The following ZFYVE27 variants were observed in gnomAD, a reference collection of about 807,000 sequenced individuals.
The protein encoded by ZFYVE27 is protrudin.
A neutral mutation model predicts 52.8 loss-of-function variants in ZFYVE27; 36 were observed. The ratio of observed to expected loss-of-function variants is 0.68; its 90% CI spans 0.52 to 0.90. The LOEUF (loss-of-function observed/expected upper bound fraction) is 0.90, where lower values mean the gene tolerates loss of function less well. Ranked by LOEUF, ZFYVE27 falls within the 40% of genes least tolerant of loss-of-function variation. ZFYVE27 has a pLI of 0.00. For missense variants in ZFYVE27, 450 were observed against 527.2 expected, an observed-to-expected ratio of 0.85 and a Z score of 1.43; for synonymous variants, 223 against 215.6, an observed-to-expected ratio of 1.03 and a Z score of -0.30.
In ZFYVE27 at chr10:97,760,749, G is replaced by C. The variant is rs562845793; in HGVS notation, c.*1449G>C. 1 of 152,266 alleles carries C rather than the reference G, an allele frequency of 6.6e-6. No homozygotes were observed. The highest frequency in any genetic ancestry group is 2.4e-5 in the African/African-American group (1 of 41,466). 9.4% of individuals were successfully genotyped at this position (152,266 alleles called of 1,614,324 possible). On this transcript the variant is annotated 3_prime_UTR_variant, in exon 13 of 13. Transcript: ENST00000684270. ...GGCCAGTGGAGGTGCCACAGCCCTG[G>C]GGAGCCAGACAGGCTTTGGTATCGT... is the stretch of plus-strand genomic sequence containing the variant.
rs779258336 is a variant in ZFYVE27 at position 97,743,105 on chromosome 10, C to G, written c.209C>G (p.Pro70Arg). Reference sequence around the variant, plus strand: ...TCTCTGTATTGTAGGTGGCAGATGCCTTTGTGTTCCTTGCTGACCTGCCTG... The same window carrying G: ...TCTCTGTATTGTAGGTGGCAGATGCGTTTGTGTTCCTTGCTGACCTGCCTG... ...GVRYLLRWQMPLCSLLTCLGL... is the reference protein window; with the variant it reads ...GVRYLLRWQMRLCSLLTCLGL... Residue 70 changes from proline (P) to arginine (R), a missense_variant, in exon 3 of 13, where the codon CCT becomes CGT. Pro to Arg is a moderately radical substitution (Grantham distance 103, BLOSUM62 -2). Coordinates refer to ENST00000684270, the MANE Select transcript of ZFYVE27 (RefSeq NM_001385875.1). 11 of 1,614,190 alleles carry G rather than the reference C, an allele frequency of 6.8e-6. No individual in the cohort carries two copies. The highest frequency in any genetic ancestry group is 1.7e-5 in the Admixed American group (1 of 60,018).
chr10:97,758,927 G>A (rs975567812), intron 12 of ZFYVE27, among the ~76,000 whole-genome samples: 7 of 152,148 alleles, frequency 4.6e-5, no homozygotes, highest in African/African-American at 7.2e-5. Context: ...GATTACAGGC[G>A]TGCATCACCA....
rs780203604 is a variant in ZFYVE27 at position 97,743,114 on chromosome 10, C to T, written c.218C>T (p.Ser73Phe). The T allele has an allele frequency of 6.2e-7, 1 of 1,614,188 alleles. No homozygotes were observed. Among genetic ancestry groups the T allele is most frequent in the Non-Finnish European group, 8.5e-7 (1 of 1,180,038 alleles). ...YLLRWQMPLC[S>F]LLTCLGLNVL... ...TGTAGGTGGCAGATGCCTTTGTGTT[C>T]CTTGCTGACCTGCCTGGGCCTCAAC... is the stretch of plus-strand genomic sequence containing the variant. Residue 73 changes from serine (S) to phenylalanine (F), a missense_variant, in exon 3 of 13, where the codon TCC becomes TTC. By Grantham distance (155) the Ser-to-Phe change is radical. Transcript: ENST00000684270.
chr10:97,743,251 G>A, intron 3 of ZFYVE27, 87 bp downstream of exon 3: 2 of 1,459,000 alleles, frequency 1.4e-6, no homozygotes, highest in Non-Finnish European at 1.9e-6. Flanking sequence ...ATGTGTGGGA[G>A]CTGCTCTTGT....
intron 4 of ZFYVE27, 47 bp from the exon 5 acceptor site, chr10:97,748,222 C>G: frequency 6.3e-7 from 1 of 1,592,200 alleles, no homozygotes. Flanking sequence ...GGCTCCACTT[C>G]CCAGGGCTTC....
rs759651963 is a variant in ZFYVE27 at position 97,738,649 on chromosome 10, G to C, written c.172G>C (p.Gly58Arg). ...EIYLEPLKDA[G>R]DGVRYLLRWQ... ...CTACCTGGAACCCTTGAAGGATGCA[G>C]GTGATGGTGTTCGATACTTGCTCAG... The change falls in exon 2 of 13, where the codon GGT becomes CGT. Residue 58 changes from glycine to arginine, a missense_variant. Transcript: ENST00000684270. The C allele has an allele frequency of 6.2e-6, 10 of 1,614,104 alleles. No homozygotes were observed. Among genetic ancestry groups the C allele is most frequent in the Middle Eastern group, 1.6e-4 (1 of 6,084 alleles).
chr10:97,753,223 G>A (rs773221457), intron 10 of ZFYVE27, 41 bp downstream of exon 10: 47 of 1,593,694 alleles, frequency 2.9e-5, no homozygotes, highest in Non-Finnish European at 4.0e-5. Context: ...GGGGAGTGGG[G>A]GTGGACTTCT....
intron 2 of ZFYVE27, among the ~76,000 whole-genome samples, chr10:97,742,403 TTGG>T (rs1269858777): frequency 6.6e-6 from 1 of 151,966 alleles, no homozygotes; most frequent in African/African-American, 2.4e-5. Flanking sequence ...GCATTGCCAT[TTGG>T]TGGTGGTGGT....
At chr10:97,750,155 G>T (rs1180090420) in intron 6 of ZFYVE27, 176 bp from the exon 7 acceptor site, 7 of 684,828 alleles carry the variant, frequency 1.0e-5, no homozygotes, top group East Asian at 2.7e-5. Context: ...GCAGGTGGTG[G>T]TATCTAAGTT....
chr10:97,746,171 C>T (rs914228779), intron 4 of ZFYVE27, among the ~76,000 whole-genome samples: 1 of 151,468 alleles, frequency 6.6e-6, no homozygotes, highest in Non-Finnish European at 1.5e-5. Flanking sequence ...GCCTCAGCCT[C>T]CAGAGTAGCT....
chr10:97,743,048 C>G, intron 2 of ZFYVE27, 46 bp from the exon 3 acceptor site: 1 of 1,599,962 alleles, frequency 6.3e-7, no homozygotes, highest in Non-Finnish European at 8.6e-7. Flanking sequence ...CCCTCCCCAG[C>G]TGGAGGAGTG....
chr10:97,758,351 T>G (rs1172828932), intron 12 of ZFYVE27, among the ~76,000 whole-genome samples: 1 of 150,796 alleles, frequency 6.6e-6, no homozygotes. Flanking sequence ...GAGACGGAGT[T>G]TCACTCTTGT....
chr10:97,738,384 C>T, intron 1 of ZFYVE27, 93 bp from the exon 2 acceptor site: 1 of 1,397,700 alleles, frequency 7.2e-7, no homozygotes, highest in Non-Finnish European at 1.0e-6. Context: ...CCCTTGCTCA[C>T]AGGTTTACTG....
intron 6 of ZFYVE27, 47 bp from the exon 7 acceptor site, chr10:97,750,284 C>T (rs1403066154): frequency 1.8e-5 from 29 of 1,610,990 alleles, no homozygotes; most frequent in South Asian, 4.4e-5. Flanking sequence ...GTGCCACTCA[C>T]GGTGTCTCAT....
At chr10:97,757,847 C>T (rs1261898317) in intron 12 of ZFYVE27, 124 bp downstream of exon 12, 4 of 907,432 alleles carry the variant, frequency 4.4e-6, no homozygotes, top group East Asian at 2.5e-5. Flanking sequence ...CCTACGGGAA[C>T]GTTTCCTCCA....
chr10:97,752,965 G>T (rs771048657), intron 9 of ZFYVE27, 73 bp from the exon 10 acceptor site: 31 of 1,612,760 alleles, frequency 1.9e-5, no homozygotes, highest in Non-Finnish European at 2.4e-5. Context: ...GGGCTGCCGC[G>T]CAGGATGCCT....
At chr10:97,742,457 C>T (rs2043968682) in intron 2 of ZFYVE27, among the ~76,000 whole-genome samples, 1 of 152,096 alleles carries the variant, frequency 6.6e-6, no homozygotes, top group Non-Finnish European at 1.5e-5. Context: ...TCTGTCTGTT[C>T]CAGCTCACTT....
intron 11 of ZFYVE27, 94 bp downstream of exon 11, chr10:97,757,405 C>T (rs917578597): frequency 9.4e-5 from 149 of 1,579,344 alleles, no homozygotes; most frequent in East Asian, 5.8e-4. Context: ...AAGTCTGGCT[C>T]GGGTCACATT....
At position 97,738,773 on chromosome 10, in the gene ZFYVE27, T is replaced by TTG. The variant is rs1008521352; in HGVS notation, c.197+100_197+101insGT. ...ATTTAGGCAGTGGCTGGGCTGTCCT[T>TTG]TCTGCCCTAGTGAGGAGCAGTTCTG... On this transcript the variant is annotated intron_variant, in intron 2 of 12. Transcript: ENST00000684270. 5.9e-5 allele frequency: 83 copies of TTG among 1,404,194 alleles called. No individual in the cohort carries two copies. The African/African-American group carries it at 1.0e-3, about 18-fold the overall frequency. 87.0% of individuals were successfully genotyped at this position (1,404,194 alleles called of 1,614,324 possible).
Sources: gnomAD v4.1 joint callset for allele counts (sites outside exome capture counted in the v4.1 genomes callset) on GRCh38, gnomAD v4.1.1 for gene constraint, MANE v1.5 for transcripts, NCBI Gene and HGNC (gene_info 2026-07-23, HGNC 2026-07-21) for gene names.